SLC4A7: variants seen among roughly 807,000 people sequenced by gnomAD.
SLC4A7 encodes sodium bicarbonate cotransporter 3.
Under a neutral mutation model 137.6 loss-of-function variants are expected in SLC4A7, and 51 were observed. The observed-to-expected ratio is 0.37, with a 90% CI of 0.30 to 0.47. The LOEUF (loss-of-function observed/expected upper bound fraction) is 0.47. Ranked by LOEUF, SLC4A7 falls within the 20% of genes least tolerant of loss-of-function variation. SLC4A7 has a pLI of 1.00. For synonymous variants in SLC4A7, 542 were observed against 518.6 expected (o/e 1.05, Z -0.61); for missense variants, 1,247 against 1,525.4 (o/e 0.82, Z 3.04).
chr3:27,388,116 T>C (rs1021804078), intron 22 of SLC4A7, among the ~76,000 whole-genome samples: 2 of 152,204 alleles, frequency 1.3e-5, no homozygotes, highest in African/African-American at 2.4e-5. Context: ...CAGTCTTTTT[T>C]GTTTTTAACT....
intron 1 of SLC4A7, among the ~76,000 whole-genome samples, chr3:27,479,008 GAAA>G (rs34346999): frequency 6.9e-6 from 1 of 145,672 alleles, no homozygotes; most frequent in African/African-American, 2.6e-5. Context: ...CCTGTCTCAG[GAAA>G]AAAAAAAACA....
chr3:27,452,409 C>A lies in SLC4A7; in HGVS notation c.142+8G>T, dbSNP rs1201536938. On this transcript the variant is annotated splice_region_variant and intron_variant, in intron 2 of 25. Coordinates refer to ENST00000454389, the MANE Select transcript of SLC4A7 (RefSeq NM_001321103.2). ...CTAAGCGAAGTAAGTTATTTTAAACCAACTTACTTTCTAGTTCTTCTTTTT... is the reference window on the plus strand; with the variant it reads ...CTAAGCGAAGTAAGTTATTTTAAACAAACTTACTTTCTAGTTCTTCTTTTT... 1 of 1,576,624 alleles carries A rather than the reference C, an allele frequency of 6.3e-7. No individual in the cohort carries two copies. Among genetic ancestry groups the A allele is most frequent in the Admixed American group, 1.8e-5 (1 of 55,618 alleles).
At chr3:27,479,909 A>C (rs1278950202) in intron 1 of SLC4A7, among the ~76,000 whole-genome samples, 2 of 152,212 alleles carry the variant, frequency 1.3e-5, no homozygotes, top group African/African-American at 4.8e-5. Context: ...TCAGTTGCAG[A>C]TCCTATCCAC....
chr3:27,473,600 C>T (rs2059341931), intron 1 of SLC4A7, among the ~76,000 whole-genome samples: 1 of 145,922 alleles, frequency 6.9e-6, no homozygotes, highest in African/African-American at 2.5e-5. Flanking sequence ...CCCAGCTACT[C>T]GGGAGGCTGA....
At chr3:27,461,994 G>A (rs1414829305) in intron 1 of SLC4A7, among the ~76,000 whole-genome samples, 1 of 151,912 alleles carries the variant, frequency 6.6e-6, no homozygotes, top group African/African-American at 2.4e-5. Context: ...ATTCCCTTAC[G>A]TAAAAATACC....
At chr3:27,469,863 G>A (rs2059163285) in intron 1 of SLC4A7, among the ~76,000 whole-genome samples, 1 of 152,192 alleles carries the variant, frequency 6.6e-6, no homozygotes, top group Non-Finnish European at 1.5e-5. Flanking sequence ...TCCAATCACT[G>A]CAAAATAAGT....
At chr3:27,405,806 T>C (rs1338457220) in intron 13 of SLC4A7, among the ~76,000 whole-genome samples, 5 of 152,016 alleles carry the variant, frequency 3.3e-5, no homozygotes, top group African/African-American at 1.2e-4. Context: ...AATGACAAAG[T>C]ATCACTAAAG....
chr3:27,395,162 T>G (rs765385934), intron 18 of SLC4A7, 47 bp from the exon 19 acceptor site: 1 of 1,392,506 alleles, frequency 7.2e-7, no homozygotes, highest in Non-Finnish European at 9.7e-7. Context: ...CTTGCTGTAT[T>G]GCACTAAATT....
chr3:27,447,589 T>G (rs1237176366), intron 3 of SLC4A7, among the ~76,000 whole-genome samples: 2 of 151,652 alleles, frequency 1.3e-5, no homozygotes, highest in Non-Finnish European at 2.9e-5. Flanking sequence ...AATAATGCCC[T>G]GTATGCTAAC....
At chr3:27,429,860 C>T (rs567076418) in intron 7 of SLC4A7, among the ~76,000 whole-genome samples, 2 of 145,134 alleles carry the variant, frequency 1.4e-5, no homozygotes, top group Non-Finnish European at 3.1e-5. Context: ...CCACCCCACC[C>T]GCCCAAGCAA....
At chr3:27,405,486 T>G (rs1234634803) in intron 13 of SLC4A7, among the ~76,000 whole-genome samples, 1 of 152,200 alleles carries the variant, frequency 6.6e-6, no homozygotes, top group Non-Finnish European at 1.5e-5. Flanking sequence ...ATGTTTTATT[T>G]CTTAAGTCTG....
rs1264535358 is a variant in SLC4A7 at position 27,421,784 on chromosome 3, T to C, written c.1267-5A>G. On this transcript the variant is annotated splice_region_variant and splice_polypyrimidine_tract_variant and intron_variant, in intron 8 of 25. Coordinates refer to ENST00000454389, the MANE Select transcript of SLC4A7 (RefSeq NM_001321103.2). ...TCTCATGAAATTCATATCAACCTAT[T>C]GACAAATAAATAATTAAAAATAAAG... The C allele has an allele frequency of 1.9e-6, 3 of 1,603,284 alleles. No homozygotes were observed. The highest frequency in any genetic ancestry group is 2.7e-5 in the African/African-American group (2 of 74,438).
At chr3:27,393,758 T>C (rs1052637450) in intron 20 of SLC4A7, among the ~76,000 whole-genome samples, 1 of 152,126 alleles carries the variant, frequency 6.6e-6, no homozygotes, top group Admixed American at 6.5e-5. Flanking sequence ...GAAGCCTTAA[T>C]TATCATCATA....
chr3:27,386,346 C>T (rs555246746), intron 22 of SLC4A7, among the ~76,000 whole-genome samples: 120 of 152,048 alleles, frequency 7.9e-4, no homozygotes, highest in African/African-American at 2.3e-3. Context: ...ATTTTTAAGA[C>T]ATTACATATT....
chr3:27,465,657 G>GT (rs1223608804), intron 1 of SLC4A7, among the ~76,000 whole-genome samples: 3 of 151,978 alleles, frequency 2.0e-5, no homozygotes, highest in Non-Finnish European at 4.4e-5. Flanking sequence ...TTTAAATTAG[G>GT]TAGAAAACTG....
chr3:27,412,295 C>G (rs999796420), intron 11 of SLC4A7, among the ~76,000 whole-genome samples: 3 of 152,190 alleles, frequency 2.0e-5, no homozygotes, highest in Non-Finnish European at 4.4e-5. Flanking sequence ...ATTTCTCCCC[C>G]TCTGTTAAAG....
intron 22 of SLC4A7, among the ~76,000 whole-genome samples, chr3:27,388,442 T>C (rs2051195130): frequency 6.6e-6 from 1 of 152,200 alleles, no homozygotes; most frequent in Admixed American, 6.5e-5. Flanking sequence ...TTATCTGTTC[T>C]TTAAAATTAA....
At chr3:27,379,604 T>G in intron 24 of SLC4A7, among the ~76,000 whole-genome samples, 1 of 152,074 alleles carries the variant, frequency 6.6e-6, no homozygotes, top group East Asian at 1.9e-4. Context: ...CAATTTGGGG[T>G]TTCAGTAGTA....
chr3:27,430,971 T>C (rs909128105), intron 7 of SLC4A7, among the ~76,000 whole-genome samples: 1 of 152,240 alleles, frequency 6.6e-6, no homozygotes, highest in African/African-American at 2.4e-5. Context: ...GCTTAAATTA[T>C]GTGTAGTCTT....
Sources: allele counts gnomAD v4.1 joint callset (sites outside exome capture counted in the v4.1 genomes callset), GRCh38; gene constraint gnomAD v4.1.1; transcripts MANE v1.5; gene names NCBI Gene and HGNC (gene_info 2026-07-23, HGNC 2026-07-21).